TMSB15B: variants seen among roughly 807,000 people sequenced by gnomAD.
The protein encoded by TMSB15B is thymosin beta 15B, also known as thymosin beta-15B.
chrX:103,942,334 T>G (rs1276385472), intron 1 of TMSB15B, among the ~76,000 whole-genome samples: 3 of 111,910 alleles, frequency 2.7e-5, no homozygotes, highest in Non-Finnish European at 5.7e-5. Flanking sequence ...TTTATGAATA[T>G]CCAATTGCCC....
intron 1 of TMSB15B, among the ~76,000 whole-genome samples, chrX:103,955,092 T>C (rs1417409907): frequency 1.8e-5 from 2 of 110,980 alleles, no homozygotes; most frequent in African/African-American, 6.6e-5. Flanking sequence ...GAATCCACCT[T>C]ATACCACAAT....
At chrX:103,946,301 T>C (rs2075025449) in intron 1 of TMSB15B, among the ~76,000 whole-genome samples, 1 of 111,889 alleles carries the variant, frequency 8.9e-6, no homozygotes, top group African/African-American at 3.2e-5. Context: ...AAACCTGCTG[T>C]TTGTGATGTT....
intron 1 of TMSB15B, among the ~76,000 whole-genome samples, chrX:103,946,493 A>G (rs187815348): frequency 4.7e-4 from 53 of 112,402 alleles, no homozygotes; most frequent in African/African-American, 1.6e-3. Context: ...AAGTCAGCAA[A>G]TTGGTAATTC....
chrX:103,925,987 A>G (rs2074966952), intron 1 of TMSB15B, among the ~76,000 whole-genome samples: 2 of 111,434 alleles, frequency 1.8e-5, no homozygotes, highest in Admixed American at 1.9e-4. Flanking sequence ...TGGCCTGGGT[A>G]TCTGGGAGGA....
intron 1 of TMSB15B, among the ~76,000 whole-genome samples, chrX:103,955,355 G>T (rs782030517): frequency 3.6e-5 from 4 of 110,303 alleles, no homozygotes; most frequent in African/African-American, 1.3e-4. Flanking sequence ...GAGCTACAGG[G>T]GTACATTGTA....
chrX:103,939,771 G>A (rs1484646044), intron 1 of TMSB15B, among the ~76,000 whole-genome samples: 2 of 111,981 alleles, frequency 1.8e-5, no homozygotes, highest in Admixed American at 1.9e-4. Context: ...TTTTTGCGTT[G>A]TTTTTTCCTC....
At chrX:103,950,371 G>C (rs1191261712) in intron 1 of TMSB15B, among the ~76,000 whole-genome samples, 2 of 110,929 alleles carry the variant, frequency 1.8e-5, no homozygotes, top group Non-Finnish European at 3.8e-5. Context: ...AGTGAGTGAG[G>C]AACAGAACAG....
At chrX:103,936,591 A>G (rs1411349615) in intron 1 of TMSB15B, among the ~76,000 whole-genome samples, 1 of 112,047 alleles carries the variant, frequency 8.9e-6, no homozygotes, top group Non-Finnish European at 1.9e-5. Context: ...GTCATCTGCA[A>G]ACAGAGAGAA....
At chrX:103,950,706 T>TTA (rs1556328167) in intron 1 of TMSB15B, among the ~76,000 whole-genome samples, 2 of 110,274 alleles carry the variant, frequency 1.8e-5, no homozygotes, top group Non-Finnish European at 3.8e-5. Flanking sequence ...TGGCCTGTTT[T>TTA]TATATATATG....
chrX:103,947,109 T>C (rs2075027533), intron 1 of TMSB15B, among the ~76,000 whole-genome samples: 2 of 107,707 alleles, frequency 1.9e-5, no homozygotes, highest in Admixed American at 1.0e-4. Context: ...AGCCCCACAC[T>C]GAAAAAAAAA....
chrX:103,929,922 G>A lies in TMSB15B; in HGVS notation c.-721+10630G>A, dbSNP rs782077586. Among the ~76,000 whole-genome samples the A allele has an allele frequency of 8.2e-5, 9 of 109,359 alleles. No homozygotes were observed. In the East Asian group the frequency reaches 2.3e-3, roughly 28 times the overall value. The allele number at this position is 109,359 out of a possible 115,157, so 95.0% of individuals were successfully genotyped here. ...TAGGGTACATGTGCACAATGTGCAGGTTAGTTACATATGTATACATGTGCC... is the reference window on the plus strand; with the variant it reads ...TAGGGTACATGTGCACAATGTGCAGATTAGTTACATATGTATACATGTGCC... On this transcript the variant is annotated intron_variant, in intron 1 of 3. Coordinates refer to the TMSB15B transcript ENST00000419165.
At chrX:103,952,112 C>T (rs1243752849) in intron 1 of TMSB15B, among the ~76,000 whole-genome samples, 1 of 111,154 alleles carries the variant, frequency 9.0e-6, no homozygotes, top group East Asian at 2.9e-4. Context: ...GCTAGGTTGC[C>T]CAGGCTGACT....
In TMSB15B at chrX:103,933,660, T is replaced by A. The variant is rs374708735; in HGVS notation, c.-721+14368T>A. 3.0e-4 allele frequency among the ~76,000 whole-genome samples: 34 copies of A among 111,898 alleles called. No homozygotes were observed. In the East Asian group the frequency reaches 9.5e-3, roughly 31 times the overall value. On this transcript the variant is annotated intron_variant, in intron 1 of 3. Transcript: ENST00000419165. ...CATTATATACTTTATAAACTTGGAA[T>A]TGTGACTATCTTGTTTCACTCCACA... is the stretch of plus-strand genomic sequence containing the variant.
rs781872157 is a variant in TMSB15B, at chrX:103,939,666, C to T, written c.-721+20374C>T. ...CTGAAGCCTACTTCTGTCAATTCGT[C>T]AAACTCATTCTCCATCCAGTTTTGT... On this transcript the variant is annotated intron_variant, in intron 1 of 3. Coordinates refer to the TMSB15B transcript ENST00000419165. 6.3e-5 allele frequency among the ~76,000 whole-genome samples: 7 copies of T among 111,262 alleles called. No individual in the cohort carries two copies. In the South Asian group the frequency reaches 2.7e-3, roughly 42 times the overall value.
At chrX:103,943,772 C>A (rs1441011663) in intron 1 of TMSB15B, among the ~76,000 whole-genome samples, 7 of 111,652 alleles carry the variant, frequency 6.3e-5, no homozygotes, top group African/African-American at 2.3e-4. Context: ...CTTTTCTCCT[C>A]TTCCTGGAAT....
chrX:103,937,417 T>C (rs191586546), intron 1 of TMSB15B, among the ~76,000 whole-genome samples: 38 of 112,087 alleles, frequency 3.4e-4, no homozygotes, highest in African/African-American at 1.2e-3. Context: ...TGTCCAGGAA[T>C]TTATCCATTT....
intron 1 of TMSB15B, among the ~76,000 whole-genome samples, chrX:103,946,240 G>T (rs1556327373): frequency 8.9e-6 from 1 of 112,125 alleles, no homozygotes; most frequent in Non-Finnish European, 1.9e-5. Flanking sequence ...TGCATTACAG[G>T]AAAGAAACAA....
intron 1 of TMSB15B, among the ~76,000 whole-genome samples, chrX:103,943,104 A>T (rs1258261262): frequency 8.9e-6 from 1 of 111,956 alleles, no homozygotes; most frequent in Non-Finnish European, 1.9e-5. Context: ...GATAGAGTAC[A>T]TGAAAGCTCA....
chrX:103,940,092 A>G (rs1247279722), intron 1 of TMSB15B, among the ~76,000 whole-genome samples: 1 of 111,073 alleles, frequency 9.0e-6, no homozygotes, highest in Non-Finnish European at 1.9e-5. Context: ...GTGTCTGTCG[A>G]CCCCTGCTGG....
Sources: gnomAD v4.1 joint callset for allele counts (sites outside exome capture counted in the v4.1 genomes callset) on GRCh38, gnomAD v4.1.1 for gene constraint, MANE v1.5 for transcripts, NCBI Gene and HGNC (gene_info 2026-07-23, HGNC 2026-07-21) for gene names.